The following COL5A2 variants were observed in gnomAD, a reference collection of about 807,000 sequenced individuals.
The protein encoded by COL5A2 is collagen alpha-2(V) chain.
Under a neutral mutation model 208.2 loss-of-function variants are expected in COL5A2, and 23 were observed. The ratio of observed to expected loss-of-function variants is 0.11; its 90% CI spans 0.08 to 0.16. The LOEUF is 0.16. COL5A2 is among the 10% of genes least tolerant of loss of function. The pLI, the probability that COL5A2 is intolerant of heterozygous loss-of-function variation, is 1.00. For missense variants in COL5A2, 1,590 were observed against 1,956.4 expected (o/e 0.81, Z 3.53); for synonymous variants, 625 against 628.5 (o/e 0.99, Z 0.08).
chr2:189,123,195 C>G (rs1278688908), intron 1 of COL5A2, among the ~76,000 whole-genome samples: 1 of 152,054 alleles, frequency 6.6e-6, no homozygotes, highest in Admixed American at 6.5e-5. Flanking sequence ...AACTGCTGAC[C>G]TCAAGTGATC....
At chr2:189,257,587 C>T in the COL5A2 span, among the ~76,000 whole-genome samples, 1 of 152,082 alleles carries the variant, frequency 6.6e-6, no homozygotes, top group African/African-American at 2.4e-5. Context: ...ACAGGTGTAA[C>T]AACAAATGTA....
rs1039910395 is a variant in COL5A2 at position 189,032,437 on chromosome 2, C to A, written c.*1633G>T. 1 of 152,016 alleles carries A rather than the reference C, an allele frequency of 6.6e-6. No individual in the cohort carries two copies. The highest frequency in any genetic ancestry group is 6.6e-5 in the Admixed American group (1 of 15,254). 9.4% of individuals were successfully genotyped at this position (152,016 alleles called of 1,614,324 possible). The stretch of plus-strand genomic sequence containing the variant: ...TTAAACAAATGGCAAACAAAGTATA[C>A]CACCACATCTCCTTTTCACTATTGG... On this transcript the variant is annotated 3_prime_UTR_variant, in exon 54 of 54. Transcript: ENST00000374866.
chr2:189,292,394 T>C, the COL5A2 span, among the ~76,000 whole-genome samples: 1 of 152,152 alleles, frequency 6.6e-6, no homozygotes, highest in Non-Finnish European at 1.5e-5. Context: ...TTGAGGGCTT[T>C]ACTGGTTAGA....
the COL5A2 span, among the ~76,000 whole-genome samples, chr2:189,361,573 T>C: frequency 6.6e-6 from 1 of 152,002 alleles, no homozygotes; most frequent in Non-Finnish European, 1.5e-5. Flanking sequence ...AGTCACTCTA[T>C]GTCTTTTAAT....
the COL5A2 span, among the ~76,000 whole-genome samples, chr2:189,422,622 T>C: frequency 6.6e-6 from 1 of 152,204 alleles, no homozygotes; most frequent in Non-Finnish European, 1.5e-5. Flanking sequence ...ATAAATCATG[T>C]GTTAGGCTAC....
chr2:189,313,533 A>AC, the COL5A2 span, among the ~76,000 whole-genome samples: 2 of 152,190 alleles, frequency 1.3e-5, no homozygotes, highest in Admixed American at 6.5e-5. Context: ...AACTACATAA[A>AC]CAAGTCTGCA....
At chr2:189,374,171 G>C in the COL5A2 span, among the ~76,000 whole-genome samples, 1 of 152,260 alleles carries the variant, frequency 6.6e-6, no homozygotes, top group East Asian at 1.9e-4. Flanking sequence ...AAATATTATA[G>C]TAGGAAAAAT....
rs565737637 is a variant in COL5A2, at chr2:189,154,740, G to C, written c.97+24768C>G. Among the ~76,000 whole-genome samples the C allele has an allele frequency of 9.7e-4, 148 of 152,230 alleles. 1 individual carries two copies. Among genetic ancestry groups the C allele is most frequent in the Admixed American group, 2.0e-3 (30 of 15,284 alleles). Reference sequence around the variant, plus strand: ...GCCACCCAAAGCACTGGGATTTCAGGAGTGAGCCACCGTGCTGTCCAAAAT... The same window carrying C: ...GCCACCCAAAGCACTGGGATTTCAGCAGTGAGCCACCGTGCTGTCCAAAAT... On this transcript the variant is annotated intron_variant, in intron 1 of 53. Transcript: ENST00000374866.
chr2:189,192,780 C>T (rs1688947400), intron 1 of COL5A2, among the ~76,000 whole-genome samples: 1 of 152,144 alleles, frequency 6.6e-6, no homozygotes, highest in African/African-American at 2.4e-5. Flanking sequence ...ATTTAATTGC[C>T]ATTGTAACAG....
At chr2:189,300,885 G>C in the COL5A2 span, among the ~76,000 whole-genome samples, 2 of 152,102 alleles carry the variant, frequency 1.3e-5, no homozygotes, top group African/African-American at 4.8e-5. Flanking sequence ...TTTTTTGTGA[G>C]AATTAAAGAA....
At chr2:189,211,729 CAG>C (rs1491204764) in intron 1 of COL5A2, among the ~76,000 whole-genome samples, 1 of 152,060 alleles carries the variant, frequency 6.6e-6, no homozygotes, top group African/African-American at 2.4e-5. Context: ...TGAAAATACT[CAG>C]GGGGGAGGGA....
At chr2:189,147,406 A>G (rs1458477376) in intron 1 of COL5A2, among the ~76,000 whole-genome samples, 1 of 152,188 alleles carries the variant, frequency 6.6e-6, no homozygotes, top group Non-Finnish European at 1.5e-5. Context: ...GACCCTGGAA[A>G]TCTAAGGTTT....
At chr2:189,092,118 A>G (rs1002390275) in intron 7 of COL5A2, among the ~76,000 whole-genome samples, 192 bp downstream of exon 7, 3 of 152,220 alleles carry the variant, frequency 2.0e-5, no homozygotes, top group Non-Finnish European at 2.9e-5. Flanking sequence ...ACTTTAGAAA[A>G]TACTTCTTCC....
chr2:189,175,773 G>A lies in COL5A2; in HGVS notation c.97+3735C>T, dbSNP rs906803851. 9.9e-5 allele frequency among the ~76,000 whole-genome samples: 15 copies of A among 152,128 alleles called. 1 individual carries two copies. Among genetic ancestry groups the A allele is most frequent in the East Asian group, 7.8e-4 (4 of 5,160 alleles). On this transcript the variant is annotated intron_variant, in intron 1 of 53. Transcript: ENST00000374866. ...TTGCCATATTGGCCGGGCTGGTCTC[G>A]AACTCCTGACCTCAGGTGATCCGCC...
In COL5A2 at chr2:189,198,644, T is replaced by A. The variant is rs1245673741; in HGVS notation, c.-42+26504A>T. On this transcript the variant is annotated intron_variant, in intron 1 of 10. Coordinates refer to the COL5A2 transcript ENST00000649966. ...ATACCTGAGAAATCAATGTAATCAA[T>A]TTCTGGATGCAGAAATTGTTTTCAT... 2.6e-5 allele frequency among the ~76,000 whole-genome samples: 4 copies of A among 152,286 alleles called. No homozygotes were observed. In the East Asian group the frequency reaches 7.7e-4, roughly 29 times the overall value.
chr2:189,192,712 G>A (rs2105847477), intron 1 of COL5A2, among the ~76,000 whole-genome samples: 1 of 152,174 alleles, frequency 6.6e-6, no homozygotes, highest in African/African-American at 2.4e-5. Context: ...ATTTTCAATG[G>A]GTAAAAGGAC....
chr2:189,109,580 A>T (rs1172449819), intron 2 of COL5A2, among the ~76,000 whole-genome samples: 1 of 152,222 alleles, frequency 6.6e-6, no homozygotes, highest in African/African-American at 2.4e-5. Context: ...AAACCTATAA[A>T]TATAAACTTG....
chr2:189,314,650 A>T, the COL5A2 span, among the ~76,000 whole-genome samples: 11 of 152,262 alleles, frequency 7.2e-5, no homozygotes, highest in Middle Eastern at 6.8e-3. Context: ...TCCAGGAGCT[A>T]GTTTTTTGAA....
intron 1 of COL5A2, among the ~76,000 whole-genome samples, chr2:189,152,620 T>C (rs745649030): frequency 1.3e-5 from 2 of 152,078 alleles, no homozygotes; most frequent in Non-Finnish European, 2.9e-5. Context: ...CCTGGGAAAA[T>C]AGTTGCAGTA....
Sources: allele counts gnomAD v4.1 joint callset (sites outside exome capture counted in the v4.1 genomes callset), GRCh38; gene constraint gnomAD v4.1.1; transcripts MANE v1.5; gene names NCBI Gene and HGNC (gene_info 2026-07-23, HGNC 2026-07-21).